Variants in ZSWIM5 observed in about 807,000 individuals in gnomAD.
ZSWIM5 encodes the protein zinc finger SWIM-type containing 5.
In ZSWIM5, 55 loss-of-function variants were observed where a neutral mutation model predicts 119.6. The ratio of observed to expected loss-of-function variants is 0.46; its 90% CI spans 0.37 to 0.58. The LOEUF is 0.58. Ranked by LOEUF, ZSWIM5 falls within the 20% of genes least tolerant of loss-of-function variation. The pLI, the probability that ZSWIM5 is intolerant of heterozygous loss-of-function variation, is 0.00. For missense variants in ZSWIM5, 1,193 were observed against 1,512.8 expected, an observed-to-expected ratio of 0.79 and a Z score of 3.51; for synonymous variants, 537 against 606.9, an observed-to-expected ratio of 0.88 and a Z score of 1.69.
At chr1:45,200,016 GAA>G in intron 1 of ZSWIM5, among the ~76,000 whole-genome samples, 1 of 152,186 alleles carries the variant, frequency 6.6e-6, no homozygotes. Flanking sequence ...GAAGCATCCA[GAA>G]ATTGAGCCAC....
intron 2 of ZSWIM5, among the ~76,000 whole-genome samples, chr1:45,077,745 C>T (rs547010878): frequency 4.6e-5 from 7 of 152,186 alleles, no homozygotes; most frequent in East Asian, 3.9e-4. Flanking sequence ...GAGACAGGTA[C>T]GCCCCGGGGG....
At chr1:45,166,418 A>T (rs547054412) in intron 1 of ZSWIM5, among the ~76,000 whole-genome samples, 1 of 152,252 alleles carries the variant, frequency 6.6e-6, no homozygotes, top group Admixed American at 6.5e-5. Context: ...CAAGACAGGG[A>T]TGCCCTCTCT....
In ZSWIM5 at chr1:45,072,480, T is replaced by A. The variant is rs1176544435; in HGVS notation, c.953-12233A>T. ...GTTGCCTGTGCTTGTGGGTTATTACTCAAGAAATCTTTGCCCAGTCCAGTG... is the reference window on the plus strand; with the variant it reads ...GTTGCCTGTGCTTGTGGGTTATTACACAAGAAATCTTTGCCCAGTCCAGTG... On this transcript the variant is annotated intron_variant, in intron 2 of 13. Transcript: ENST00000359600. The surrounding 1 kb of genome is among the most constrained non-coding windows in gnomAD (Gnocchi z 4.1). Among the ~76,000 whole-genome samples, 2 of 152,114 alleles carry A rather than the reference T, an allele frequency of 1.3e-5. No individual in the cohort carries two copies. The highest frequency in any genetic ancestry group is 3.9e-4 in the East Asian group (2 of 5,188).
chr1:45,195,502 G>C (rs978600109), intron 1 of ZSWIM5, among the ~76,000 whole-genome samples: 1 of 151,854 alleles, frequency 6.6e-6, no homozygotes, highest in East Asian at 1.9e-4. Flanking sequence ...CAAAGTGCTG[G>C]GATTACAAGC....
chr1:45,040,328 T>TA, intron 7 of ZSWIM5, 64 bp downstream of exon 7: 1 of 1,459,890 alleles, frequency 6.8e-7, no homozygotes, highest in Non-Finnish European at 9.1e-7. Flanking sequence ...CTGGGCCTTG[T>TA]ATCCCCTGAG....
intron 4 of ZSWIM5, among the ~76,000 whole-genome samples, chr1:45,054,439 G>A (rs777395656): frequency 1.4e-4 from 21 of 151,862 alleles, no homozygotes; most frequent in Admixed American, 3.3e-4. Context: ...AAAATTAGCC[G>A]GGCGTGGTGG....
At chr1:45,201,962 C>T (rs542585067) in intron 1 of ZSWIM5, among the ~76,000 whole-genome samples, 1 of 151,986 alleles carries the variant, frequency 6.6e-6, no homozygotes, top group South Asian at 2.1e-4. Context: ...AGTCATTCAA[C>T]AAGCACTTAT....
At chr1:45,099,369 T>C (rs1223729575) in intron 1 of ZSWIM5, among the ~76,000 whole-genome samples, 10 of 152,202 alleles carry the variant, frequency 6.6e-5, no homozygotes, top group Non-Finnish European at 1.5e-4. Context: ...AATCTCTGAA[T>C]AGACCAATAA....
At chr1:45,038,543 A>G (rs949768917) in intron 8 of ZSWIM5, among the ~76,000 whole-genome samples, 8 of 149,586 alleles carry the variant, frequency 5.3e-5, no homozygotes, top group Non-Finnish European at 1.2e-4. Flanking sequence ...AAGAGGGGGA[A>G]AAAACTTCAA....
chr1:45,051,074 C>G lies in ZSWIM5; in HGVS notation c.1432G>C (p.Asp478His). 1 of 1,612,374 alleles carries G rather than the reference C, an allele frequency of 6.2e-7. No individual in the cohort carries two copies. The highest frequency in any genetic ancestry group is 8.5e-7 in the Non-Finnish European group (1 of 1,179,426). Residue 478 changes from aspartate (D) to histidine (H), a missense_variant and splice_region_variant, in exon 5 of 14, where the codon GAC (aspartate) becomes CAC (histidine). Transcript: ENST00000359600. ...ALPQSAIHSP[D>H]SLSRPRRTVF... ...GAGCCTAAAAGGACACTTGGCTCAC[C>G]TGGGCTGTGAATGGCACTCTGGGGA...
chr1:45,100,389 A>ATG (rs1487932097), intron 1 of ZSWIM5, among the ~76,000 whole-genome samples: 45 of 152,250 alleles, frequency 3.0e-4, no homozygotes, highest in African/African-American at 9.9e-4. Context: ...CTGCTCAAAC[A>ATG]AAATAAAAGA....
chr1:45,126,795 T>C (rs1211719151), intron 1 of ZSWIM5, among the ~76,000 whole-genome samples: 1 of 152,052 alleles, frequency 6.6e-6, no homozygotes, highest in Non-Finnish European at 1.5e-5. Flanking sequence ...CTTATAGAAA[T>C]GTAAGAGAAG....
intron 2 of ZSWIM5, among the ~76,000 whole-genome samples, chr1:45,074,218 G>A (rs1645242644): frequency 6.6e-6 from 1 of 151,906 alleles, no homozygotes; most frequent in African/African-American, 2.4e-5. Context: ...TCTTTGTCTG[G>A]TTTTGGTATC....
At chr1:45,169,294 T>C (rs1012966493) in intron 1 of ZSWIM5, among the ~76,000 whole-genome samples, 7 of 152,012 alleles carry the variant, frequency 4.6e-5, no homozygotes, top group Non-Finnish European at 8.8e-5. Context: ...GACAATCTTA[T>C]ATAAATGAGA....
intron 1 of ZSWIM5, among the ~76,000 whole-genome samples, chr1:45,160,322 A>C (rs992401403): frequency 6.6e-5 from 10 of 152,152 alleles, no homozygotes; most frequent in African/African-American, 1.9e-4. Flanking sequence ...CCTCTCTTAT[A>C]GCTAATTTGA....
chr1:45,129,165 T>G lies in ZSWIM5; in HGVS notation c.596-40928A>C, dbSNP rs192190566. Among the ~76,000 whole-genome samples the G allele has an allele frequency of 2.3e-3, 338 of 144,392 alleles. 1 individual carries two copies. The highest frequency in any genetic ancestry group is 3.5e-3 in the Non-Finnish European group (228 of 65,888). The allele number at this position is 144,392 out of a possible 152,430, so 94.7% of individuals were successfully genotyped here. ...TCACATACATCTTGTTTTTTTTTTT[T>G]TTTTTTTTTTTTTGAGACAGAGTCT... On this transcript the variant is annotated intron_variant, in intron 1 of 13. Transcript: ENST00000359600.
At chr1:45,156,620 G>C (rs1175067737) in intron 1 of ZSWIM5, among the ~76,000 whole-genome samples, 1 of 151,554 alleles carries the variant, frequency 6.6e-6, no homozygotes, top group Non-Finnish European at 1.5e-5. Flanking sequence ...AGTTTGATGG[G>C]CTAAAAAGAT....
At chr1:45,203,131 T>C (rs2149058323) in intron 1 of ZSWIM5, among the ~76,000 whole-genome samples, 1 of 152,184 alleles carries the variant, frequency 6.6e-6, no homozygotes, top group African/African-American at 2.4e-5. Flanking sequence ...CTACTTCTGA[T>C]GCAGTACTTA....
intron 2 of ZSWIM5, among the ~76,000 whole-genome samples, chr1:45,069,254 G>A (rs967443834): frequency 4.6e-5 from 7 of 151,796 alleles, no homozygotes; most frequent in African/African-American, 1.7e-4. Flanking sequence ...GTGACACCCC[G>A]TCTCTACTAA....
Sources: allele counts gnomAD v4.1 joint callset (sites outside exome capture counted in the v4.1 genomes callset), GRCh38; gene constraint gnomAD v4.1.1; non-coding constraint Gnocchi (gnomAD v3.1); transcripts MANE v1.5; gene names NCBI Gene and HGNC (gene_info 2026-07-23, HGNC 2026-07-21).